Variants in ACSM1 observed in about 807,000 individuals in gnomAD.
The protein encoded by ACSM1 is acyl-CoA synthetase medium chain family member 1.
Under a neutral mutation model 75.8 loss-of-function variants are expected in ACSM1, and 79 were observed. That is an observed-to-expected ratio of 1.04 (90% CI 0.87 to 1.26). The LOEUF is 1.26. Ranked by LOEUF, ACSM1 falls within the 50% of genes most tolerant of loss-of-function variation. The probability of loss-of-function intolerance (pLI) is 0.00; values close to 1 mark genes in which losing one functional copy is unlikely to be tolerated. For synonymous variants in ACSM1, 279 were observed against 265.8 expected (o/e 1.05, Z -0.48); for missense variants, 676 against 720.1 (o/e 0.94, Z 0.70).
At chr16:20,692,142 G>A (rs1327390310) in intron 1 of ACSM1, among the ~76,000 whole-genome samples, 1 of 152,162 alleles carries the variant, frequency 6.6e-6, no homozygotes, top group Non-Finnish European at 1.5e-5. Context: ...AGCAGATGCT[G>A]CTGTTGACAA....
chr16:20,655,066 C>A (rs1349040902), intron 7 of ACSM1, among the ~76,000 whole-genome samples: 3 of 151,902 alleles, frequency 2.0e-5, no homozygotes, highest in Non-Finnish European at 4.4e-5. Flanking sequence ...TACTATGCAG[C>A]CATAAAAAAT....
intron 8 of ACSM1, among the ~76,000 whole-genome samples, chr16:20,639,806 C>A (rs2017943469): frequency 6.6e-6 from 1 of 152,158 alleles, no homozygotes; most frequent in South Asian, 2.1e-4. Flanking sequence ...CCAGAAGGGA[C>A]CTTTCCACTA....
chr16:20,637,993 G>T (rs1460620308), intron 8 of ACSM1, among the ~76,000 whole-genome samples: 1 of 152,220 alleles, frequency 6.6e-6, no homozygotes, highest in Non-Finnish European at 1.5e-5. Context: ...GGATGCCCCA[G>T]TGTGTGTGGA....
intron 7 of ACSM1, among the ~76,000 whole-genome samples, 170 bp from the exon 8 acceptor site, chr16:20,640,754 C>A (rs894412142): frequency 1.3e-5 from 2 of 152,220 alleles, no homozygotes. Flanking sequence ...TCACTTCCTG[C>A]CAGTCCCTGC....
In ACSM1 at chr16:20,685,132, T is replaced by C. The variant is rs2079523278; in HGVS notation, c.403+61A>G. 3.2e-6 allele frequency: 5 copies of C among 1,574,636 alleles called. No homozygotes were observed. In the East Asian group the frequency reaches 1.1e-4, roughly 35 times the overall value. ...GGCTGGGTGCACAGCACCTAATATC[T>C]CAGGACCCATTGGTTCTAGAACAGC... On this transcript the variant is annotated intron_variant, in intron 3 of 13. Coordinates refer to ENST00000520010, the MANE Select transcript of ACSM1 (RefSeq NM_001318890.3).
intron 8 of ACSM1, among the ~76,000 whole-genome samples, chr16:20,638,348 G>A (rs2017849693): frequency 6.6e-6 from 1 of 152,200 alleles, no homozygotes; most frequent in Admixed American, 6.5e-5. Flanking sequence ...GAGAAGTCAA[G>A]GGAAAGATTC....
chr16:20,680,229 A>G (rs1258286515), intron 4 of ACSM1: 2 of 152,246 alleles, frequency 1.3e-5, no homozygotes, highest in Admixed American at 6.5e-5. Context: ...TCTACAGGAC[A>G]GACAGCACTA....
intron 1 of ACSM1, among the ~76,000 whole-genome samples, chr16:20,696,329 A>G (rs1175880405): frequency 1.3e-5 from 2 of 152,134 alleles, no homozygotes; most frequent in African/African-American, 4.8e-5. Flanking sequence ...TTCCATCCAC[A>G]TCTGTCTTCA....
intron 2 of ACSM1, 91 bp from the exon 3 acceptor site, chr16:20,685,494 G>A (rs992082723): frequency 8.3e-7 from 1 of 1,206,086 alleles, no homozygotes; most frequent in Non-Finnish European, 1.2e-6. Flanking sequence ...ACGTTCCAAT[G>A]TGAACACAGC....
intron 10 of ACSM1, 27 bp downstream of exon 10, chr16:20,636,712 G>C: frequency 6.3e-7 from 1 of 1,575,968 alleles, no homozygotes. Flanking sequence ...CTTGGGGCCA[G>C]GATGGGGGCA....
At chr16:20,658,660 A>T (rs935821587) in intron 7 of ACSM1, among the ~76,000 whole-genome samples, 1 of 152,184 alleles carries the variant, frequency 6.6e-6, no homozygotes, top group African/African-American at 2.4e-5. Context: ...AAATACCAGT[A>T]TATGGTGCAA....
chr16:20,687,870 G>A (rs951176828), intron 2 of ACSM1, among the ~76,000 whole-genome samples: 5 of 152,116 alleles, frequency 3.3e-5, no homozygotes, highest in Non-Finnish European at 1.5e-5. Flanking sequence ...GATCACTTGA[G>A]GTCAGGAGTT....
chr16:20,645,969 G>C (rs1174015246), intron 7 of ACSM1, among the ~76,000 whole-genome samples: 1 of 152,174 alleles, frequency 6.6e-6, no homozygotes, highest in East Asian at 1.9e-4. Context: ...TAAAGGATAA[G>C]TTTATCACTC....
Position 20,671,513 on chromosome 16 carries a change from C to T in ACSM1, c.752+18G>A, listed in dbSNP as rs779726643. On this transcript the variant is annotated intron_variant, in intron 5 of 13. Transcript: ENST00000520010. ...CCACATCTGGGTCCAGCCTCTATGTCGGTGCCCTCTTTCCTACCTTCCTGG... is the reference window on the plus strand; with the variant it reads ...CCACATCTGGGTCCAGCCTCTATGTTGGTGCCCTCTTTCCTACCTTCCTGG... 19 of 1,593,586 alleles carry T rather than the reference C, an allele frequency of 1.2e-5. No homozygotes were observed. The African/African-American group carries it at 1.2e-4, about 10-fold the overall frequency.
intron 7 of ACSM1, among the ~76,000 whole-genome samples, chr16:20,657,203 C>A (rs1017598869): frequency 4.6e-5 from 7 of 152,114 alleles, no homozygotes; most frequent in Non-Finnish European, 8.8e-5. Context: ...ACTAAGCTTA[C>A]AGTAACTCAA....
intron 10 of ACSM1, among the ~76,000 whole-genome samples, chr16:20,633,552 A>G (rs1180913525): frequency 2.0e-5 from 3 of 152,212 alleles, no homozygotes; most frequent in Non-Finnish European, 2.9e-5. Context: ...GAAAAGACAT[A>G]TGATACTCAT....
At chr16:20,685,855 T>A (rs1182859299) in intron 2 of ACSM1, among the ~76,000 whole-genome samples, 277 of 104,842 alleles carry the variant, frequency 2.6e-3, no homozygotes, top group Non-Finnish European at 4.7e-3. Context: ...AACAAAAAAC[T>A]TATAGCATCA....
intron 1 of ACSM1, among the ~76,000 whole-genome samples, chr16:20,693,231 G>C (rs1482348095): frequency 6.6e-6 from 1 of 151,858 alleles, no homozygotes; most frequent in Non-Finnish European, 1.5e-5. Context: ...ACTTTCCAAT[G>C]GACTGGGATG....
intron 7 of ACSM1, among the ~76,000 whole-genome samples, chr16:20,641,043 G>T (rs2018026988): frequency 6.6e-6 from 1 of 152,168 alleles, no homozygotes; most frequent in Non-Finnish European, 1.5e-5. Flanking sequence ...ATTTCTGAAT[G>T]GGGAATGCAT....
Sources: gnomAD v4.1 joint callset for allele counts (sites outside exome capture counted in the v4.1 genomes callset) on GRCh38, gnomAD v4.1.1 for gene constraint, MANE v1.5 for transcripts, NCBI Gene and HGNC (gene_info 2026-07-23, HGNC 2026-07-21) for gene names.